The following CNTNAP5 variants were observed in gnomAD, a reference collection of about 807,000 sequenced individuals.
The protein encoded by CNTNAP5 is contactin-associated protein-like 5.
In CNTNAP5, 72 loss-of-function variants were observed where a neutral mutation model predicts 150.2. The ratio of observed to expected loss-of-function variants is 0.48; its 90% CI spans 0.40 to 0.58. The LOEUF (loss-of-function observed/expected upper bound fraction) is 0.58. Ranked by LOEUF, CNTNAP5 falls within the 20% of genes least tolerant of loss-of-function variation. CNTNAP5 has a pLI of 0.00. For missense variants in CNTNAP5, 1,636 were observed against 1,626.2 expected (o/e 1.01, Z -0.10); for synonymous variants, 672 against 619.8 (o/e 1.08, Z -1.25).
At chr2:124,682,372 T>C (rs569863704) in intron 13 of CNTNAP5, among the ~76,000 whole-genome samples, 1 of 152,358 alleles carries the variant, frequency 6.6e-6, no homozygotes, top group East Asian at 1.9e-4. Flanking sequence ...AGCTGAGGTC[T>C]GACTTCAATT....
At chr2:124,159,653 G>A (rs1271807531) in intron 1 of CNTNAP5, among the ~76,000 whole-genome samples, 5 of 152,140 alleles carry the variant, frequency 3.3e-5, no homozygotes, top group African/African-American at 1.2e-4. Context: ...CCCTAGGTTT[G>A]CCTCTACAGC....
At chr2:124,674,509 C>T (rs13016891) in intron 13 of CNTNAP5, among the ~76,000 whole-genome samples, 15,274 of 115,004 alleles carry the variant, frequency 0.13, 1,164 homozygotes, top group African/African-American at 0.17. Context: ...TTCTTTCTTT[C>T]TCTTTCTTTC....
At chr2:124,185,110 G>A (rs1376380403) in intron 1 of CNTNAP5, among the ~76,000 whole-genome samples, 1 of 152,156 alleles carries the variant, frequency 6.6e-6, no homozygotes, top group Non-Finnish European at 1.5e-5. Flanking sequence ...AAGGATATCT[G>A]CACATATACA....
At chr2:124,636,305 C>T (rs1238899929) in intron 12 of CNTNAP5, among the ~76,000 whole-genome samples, 1 of 152,094 alleles carries the variant, frequency 6.6e-6, no homozygotes. Context: ...TCGATGTAAA[C>T]TGCAAGAAAA....
At chr2:124,499,136 C>T (rs1033658124) in intron 7 of CNTNAP5, among the ~76,000 whole-genome samples, 5 of 152,032 alleles carry the variant, frequency 3.3e-5, no homozygotes, top group African/African-American at 9.7e-5. Context: ...ACAATGAGGA[C>T]CAGAGAAAGG....
chr2:124,470,750 T>C (rs550837223), intron 6 of CNTNAP5, among the ~76,000 whole-genome samples: 2 of 152,304 alleles, frequency 1.3e-5, no homozygotes, highest in Admixed American at 6.5e-5. Flanking sequence ...TTGTATGTGG[T>C]ATAAGGAGGG....
intron 10 of CNTNAP5, among the ~76,000 whole-genome samples, chr2:124,533,457 A>C (rs13015323): frequency 0.54 from 82,014 of 151,968 alleles, 22,355 homozygotes; most frequent in South Asian, 0.57. Context: ...CTCTGAGAAC[A>C]ATGCTGTAAA....
intron 13 of CNTNAP5, among the ~76,000 whole-genome samples, chr2:124,663,239 G>A (rs562058198): frequency 9.3e-4 from 142 of 152,278 alleles, no homozygotes; most frequent in Non-Finnish European, 1.7e-3. Flanking sequence ...GCTTAAATCA[G>A]CCATGTCGCC....
At chr2:124,267,406 A>G (rs1687637227) in intron 3 of CNTNAP5, among the ~76,000 whole-genome samples, 1 of 152,164 alleles carries the variant, frequency 6.6e-6, no homozygotes, top group South Asian at 2.1e-4. Flanking sequence ...AATCCAGTAA[A>G]TATTCCCCTG....
At chr2:124,250,995 G>A (rs1687158875) in intron 3 of CNTNAP5, among the ~76,000 whole-genome samples, 1 of 152,098 alleles carries the variant, frequency 6.6e-6, no homozygotes, top group Non-Finnish European at 1.5e-5. Context: ...GATTATGTGA[G>A]GCTAATAAAA....
At chr2:124,371,911 G>A (rs1690537547) in intron 3 of CNTNAP5, among the ~76,000 whole-genome samples, 3 of 152,112 alleles carry the variant, frequency 2.0e-5, no homozygotes, top group Middle Eastern at 6.8e-3. Flanking sequence ...GTTAATATTA[G>A]ATGTCATCTT....
chr2:124,377,650 A>C (rs1690683840), intron 3 of CNTNAP5, among the ~76,000 whole-genome samples: 1 of 151,612 alleles, frequency 6.6e-6, no homozygotes, highest in South Asian at 2.1e-4. Context: ...ACTCCAGCCT[A>C]AGCAACAAGA....
chr2:124,504,646 T>C, intron 8 of CNTNAP5, 90 bp downstream of exon 8: 1 of 1,276,924 alleles, frequency 7.8e-7, no homozygotes, highest in Non-Finnish European at 1.1e-6. Flanking sequence ...AATCCAAATC[T>C]CAGGGATATG....
At chr2:124,078,586 C>G (rs1292423691) in intron 1 of CNTNAP5, among the ~76,000 whole-genome samples, 1 of 152,182 alleles carries the variant, frequency 6.6e-6, no homozygotes, top group Non-Finnish European at 1.5e-5. Flanking sequence ...GTGATGGAAT[C>G]TTCAGTTTTG....
chr2:124,047,537 A>C (rs909100386), intron 1 of CNTNAP5, among the ~76,000 whole-genome samples: 15 of 152,328 alleles, frequency 9.8e-5, no homozygotes, highest in Non-Finnish European at 5.9e-5. Context: ...CCTAGGAGAG[A>C]TACTGGATTC....
intron 5 of CNTNAP5, among the ~76,000 whole-genome samples, chr2:124,437,464 G>A (rs1692561528): frequency 6.6e-6 from 1 of 152,026 alleles, no homozygotes; most frequent in Non-Finnish European, 1.5e-5. Flanking sequence ...AGTGATTAGT[G>A]TAGCTACTAT....
intron 13 of CNTNAP5, among the ~76,000 whole-genome samples, chr2:124,684,993 T>A (rs981406141): frequency 6.6e-6 from 1 of 152,240 alleles, no homozygotes; most frequent in Admixed American, 6.6e-5. Flanking sequence ...CCTCAACAGA[T>A]GCTGGGTTCC....
At chr2:124,574,841 T>A (rs942492918) in intron 11 of CNTNAP5, among the ~76,000 whole-genome samples, 3 of 152,218 alleles carry the variant, frequency 2.0e-5, no homozygotes, top group African/African-American at 7.2e-5. Flanking sequence ...AAAGTCAGAA[T>A]ACATTTCCCT....
chr2:124,578,045 C>T lies in CNTNAP5; in HGVS notation c.1756+14722C>T, dbSNP rs538718314. Among the ~76,000 whole-genome samples the T allele has an allele frequency of 1.9e-4, 28 of 150,876 alleles. No homozygotes were observed. In the South Asian group the frequency reaches 2.7e-3, roughly 15 times the overall value. On this transcript the variant is annotated intron_variant, in intron 11 of 23. Coordinates refer to ENST00000682447, the MANE Select transcript of CNTNAP5 (RefSeq NM_001367498.1). ...CTGAACATGGCCGGGCACGGTGGCT[C>T]ATGCCTGTAATCCCAGCACTTTGGG... is the stretch of plus-strand genomic sequence containing the variant.
Sources: allele counts gnomAD v4.1 joint callset (sites outside exome capture counted in the v4.1 genomes callset), GRCh38; gene constraint gnomAD v4.1.1; transcripts MANE v1.5; gene names NCBI Gene and HGNC (gene_info 2026-07-23, HGNC 2026-07-21).